The following RBAK variants were observed in gnomAD, a reference collection of about 807,000 sequenced individuals.
The protein encoded by RBAK is RB-associated KRAB zinc finger protein.
A neutral mutation model predicts 65.8 loss-of-function variants in RBAK; 39 were observed. The ratio of observed to expected loss-of-function variants is 0.59; its 90% CI spans 0.46 to 0.77. The LOEUF (loss-of-function observed/expected upper bound fraction) is 0.77. Ranked by LOEUF, RBAK falls within the 30% of genes least tolerant of loss-of-function variation. The pLI, the probability that RBAK is intolerant of heterozygous loss-of-function variation, is 0.00. For synonymous variants in RBAK, 343 were observed against 289.7 expected (o/e 1.18, Z -1.87); for missense variants, 884 against 855.1 (o/e 1.03, Z -0.42).
intron 4 of RBAK, among the ~76,000 whole-genome samples, chr7:5,061,135 GT>G (rs1455043985): frequency 1.3e-5 from 2 of 152,166 alleles, no homozygotes; most frequent in African/African-American, 2.4e-5. Context: ...TTTGTTTTAT[GT>G]TATAAACTGT....
intron 2 of RBAK, among the ~76,000 whole-genome samples, chr7:5,052,885 G>A (rs189642089): frequency 3.4e-4 from 52 of 151,906 alleles, no homozygotes; most frequent in African/African-American, 9.2e-4. Flanking sequence ...TCAGCCTCCC[G>A]GGTAGCTGGG....
chr7:5,054,224 G>A (rs1346781651), intron 2 of RBAK, among the ~76,000 whole-genome samples: 3 of 152,080 alleles, frequency 2.0e-5, no homozygotes, highest in African/African-American at 7.2e-5. Context: ...GGCCAACATA[G>A]TGAAACCCCT....
chr7:5,046,958 A>C (rs528533680), intron 1 of RBAK, among the ~76,000 whole-genome samples: 1 of 152,188 alleles, frequency 6.6e-6, no homozygotes, highest in Non-Finnish European at 1.5e-5. Context: ...AGTTTTCTTA[A>C]TAGAAGATTA....
intron 1 of RBAK, among the ~76,000 whole-genome samples, chr7:5,047,139 C>T (rs1253530157): frequency 6.6e-6 from 1 of 152,188 alleles, no homozygotes; most frequent in African/African-American, 2.4e-5. Context: ...TGGCTCACAC[C>T]TGTAATCCCA....
rs1779214185 is a variant in RBAK at position 5,066,185 on chromosome 7, T to G, written c.*584T>G. Reference sequence around the variant, plus strand: ...AATTGGATGACTTGTGAAGAGGCAGTTTTCTTATTTGAGTATTAGGATGGC... The same window carrying G: ...AATTGGATGACTTGTGAAGAGGCAGGTTTCTTATTTGAGTATTAGGATGGC... On this transcript the variant is annotated 3_prime_UTR_variant, in exon 5 of 5. Transcript: ENST00000396912. The G allele has an allele frequency of 6.6e-6, 1 of 152,578 alleles. No individual in the cohort carries two copies. The highest frequency in any genetic ancestry group is 1.5e-5 in the Non-Finnish European group (1 of 68,016). 9.5% of individuals were successfully genotyped at this position (152,578 alleles called of 1,614,324 possible). A position where few individuals can be genotyped will look rare whatever the true frequency, so the allele number is the denominator to read the frequency against.
At chr7:5,061,275 T>C (rs72571440) in intron 4 of RBAK, among the ~76,000 whole-genome samples, 13,340 of 151,826 alleles carry the variant, frequency 0.088, 1,030 homozygotes, top group East Asian at 0.4. Context: ...AGTTAGTAAA[T>C]TGTTGGGGGT....
At chr7:5,062,274 A>G (rs1252870347) in intron 4 of RBAK, among the ~76,000 whole-genome samples, 1 of 152,158 alleles carries the variant, frequency 6.6e-6, no homozygotes, top group Non-Finnish European at 1.5e-5. Flanking sequence ...ATTTTCCCTA[A>G]GCATCGGCTG....
chr7:5,059,618 C>T (rs533352358), intron 4 of RBAK, among the ~76,000 whole-genome samples: 90 of 152,256 alleles, frequency 5.9e-4, no homozygotes, highest in African/African-American at 2.1e-3. Context: ...TTATGCTTTA[C>T]ATTTGAACTG....
Position 5,064,646 on chromosome 7 carries a change from G to C in RBAK, c.1190G>C (p.Gly397Ala), listed in dbSNP as rs1214759363. The change falls in exon 5 of 5, where the codon GGA becomes GCA. Residue 397 changes from glycine to alanine, a missense_variant. Transcript: ENST00000396912. This position sits in a 1 kb window ranked among gnomAD's most constrained non-coding sequence, Gnocchi z 6.3. ...ALSDHQRTHT[G>A]EKLYKCNECG... ...AGTGACCATCAGAGAACTCACACGG[G>C]AGAGAAGCTTTATAAATGTAATGAA... is the stretch of plus-strand genomic sequence containing the variant. The C allele has an allele frequency of 6.2e-7, 1 of 1,611,850 alleles. No individual in the cohort carries two copies. Among genetic ancestry groups the C allele is most frequent in the Non-Finnish European group, 8.5e-7 (1 of 1,178,434 alleles).
chr7:5,062,262 C>T (rs1779093712), intron 4 of RBAK, among the ~76,000 whole-genome samples: 1 of 152,132 alleles, frequency 6.6e-6, no homozygotes, highest in South Asian at 2.1e-4. Flanking sequence ...AGGTTCTTTT[C>T]TATTTTCCCT....
rs562837535 is a variant in RBAK, at chr7:5,064,910, A to T, written c.1454A>T (p.His485Leu). The T allele has an allele frequency of 1.6e-5, 26 of 1,614,094 alleles. No individual in the cohort carries two copies. In the African/African-American group the frequency reaches 2.8e-4, roughly 17 times the overall value. ...AAAGTACACACAGAAGAGAAATCCCATGAATGTAGTGAATGTGGAAAGTTC... is the reference window on the plus strand; with the variant it reads ...AAAGTACACACAGAAGAGAAATCCCTTGAATGTAGTGAATGTGGAAAGTTC... ...HRKVHTEEKS[H>L]ECSECGKFSQ... The change falls in exon 5 of 5, where the codon CAT (histidine) becomes CTT (leucine). Residue 485 changes from histidine to leucine, a missense_variant. By Grantham distance (99) the His-to-Leu change is moderately conservative. Coordinates refer to ENST00000396912, the MANE Select transcript of RBAK (RefSeq NM_021163.4). This position sits in a 1 kb window ranked among gnomAD's most constrained non-coding sequence, Gnocchi z 6.3.
chr7:5,058,465 C>T (rs56951118), intron 4 of RBAK, among the ~76,000 whole-genome samples: 36,113 of 152,002 alleles, frequency 0.24, 4,697 homozygotes, highest in East Asian at 0.4. Flanking sequence ...ATTTTCTTTC[C>T]TTCCTTGCTT....
chr7:5,060,071 A>G (rs902729531), intron 4 of RBAK, among the ~76,000 whole-genome samples: 2 of 152,206 alleles, frequency 1.3e-5, no homozygotes, highest in African/African-American at 4.8e-5. Context: ...ATAGGAATAT[A>G]TACTCTAAAT....
intron 2 of RBAK, 84 bp from the exon 3 acceptor site, chr7:5,057,211 T>C (rs529930666): frequency 2.3e-4 from 363 of 1,605,572 alleles, no homozygotes; most frequent in Non-Finnish European, 2.9e-4. Flanking sequence ...ATGTTTATGG[T>C]TAACTTTACC....
intron 2 of RBAK, among the ~76,000 whole-genome samples, chr7:5,053,239 T>C (rs1420775624): frequency 1.3e-5 from 2 of 152,228 alleles, no homozygotes; most frequent in Non-Finnish European, 2.9e-5. Flanking sequence ...AATGTCTTCA[T>C]TGTGTCTTAG....
chr7:5,064,201 A>T lies in RBAK; in HGVS notation c.745A>T (p.Asn249Tyr). The stretch of plus-strand genomic sequence containing the variant: ...AGACTTCATACAGATGTCAAATTTT[A>T]ATGCATATCAGAGATCACAAATGGA... ...GPDFIQMSNF[N>Y]AYQRSQMEMK... The change falls in exon 5 of 5, where the codon AAT becomes TAT. Residue 249 changes from asparagine to tyrosine, a missense_variant. Coordinates refer to ENST00000396912, the MANE Select transcript of RBAK (RefSeq NM_021163.4). The surrounding 1 kb of genome is among the most constrained non-coding windows in gnomAD (Gnocchi z 6.3). 6.2e-7 allele frequency: 1 copy of T among 1,613,922 alleles called. No homozygotes were observed. The highest frequency in any genetic ancestry group is 1.1e-5 in the South Asian group (1 of 91,038).
chr7:5,063,069 G>C (rs1779116512), intron 4 of RBAK, among the ~76,000 whole-genome samples: 1 of 152,192 alleles, frequency 6.6e-6, no homozygotes, highest in Admixed American at 6.5e-5. Context: ...GTAAAGACAG[G>C]CATAGGAAAT....
In RBAK at chr7:5,063,793, G is replaced by C. The variant is rs746781357; in HGVS notation, c.337G>C (p.Glu113Gln). 24 of 1,613,788 alleles carry C rather than the reference G, an allele frequency of 1.5e-5. No individual in the cohort carries two copies. The East Asian group carries it at 4.9e-4, about 33-fold the overall frequency. The change falls in exon 5 of 5, where the codon GAG becomes CAG. Residue 113 changes from glutamate (E) to glutamine (Q), a missense_variant. By Grantham distance (29) the Glu-to-Gln change is conservative. Transcript: ENST00000396912. Reference protein sequence around the residue: ...ACINSKTLTEEKENTFSQIYM... With the variant: ...ACINSKTLTEQKENTFSQIYM... ...TATCAATAGCAAAACCCTGACTGAA[G>C]AGAAAGAGAATACATTTAGTCAAAT...
chr7:5,055,339 T>C (rs1788205396), intron 2 of RBAK, among the ~76,000 whole-genome samples: 2 of 152,052 alleles, frequency 1.3e-5, no homozygotes, highest in African/African-American at 2.4e-5. Context: ...TTGAAATACA[T>C]ATGTCACATA....
Sources: gnomAD v4.1 joint callset for allele counts (sites outside exome capture counted in the v4.1 genomes callset) on GRCh38, gnomAD v4.1.1 for gene constraint, Gnocchi (gnomAD v3.1) non-coding constraint, MANE v1.5 for transcripts, NCBI Gene and HGNC (gene_info 2026-07-23, HGNC 2026-07-21) for gene names.